ANKRD33B: variants seen among roughly 807,000 people sequenced by gnomAD.
ANKRD33B encodes the protein ankyrin repeat domain-containing protein 33B.
Under a neutral mutation model 21.5 loss-of-function variants are expected in ANKRD33B, and 6 were observed. The observed-to-expected ratio is 0.28, with a 90% CI of 0.15 to 0.55. ANKRD33B has a LOEUF of 0.55. ANKRD33B is among the 20% of genes least tolerant of loss of function. The pLI, the probability that ANKRD33B is intolerant of heterozygous loss-of-function variation, is 0.94. For missense variants in ANKRD33B, 698 were observed against 747.2 expected (o/e 0.93, Z 0.77); for synonymous variants, 347 against 342.4 (o/e 1.01, Z -0.15).
chr5:10,565,729 G>A (rs1735033982), intron 1 of ANKRD33B, among the ~76,000 whole-genome samples: 1 of 152,252 alleles, frequency 6.6e-6, no homozygotes, highest in Non-Finnish European at 1.5e-5. Flanking sequence ...GCACTTCAAG[G>A]GAAAACTGCA....
At chr5:10,591,194 GGTT>G (rs943468017) in intron 1 of ANKRD33B, among the ~76,000 whole-genome samples, 4 of 113,456 alleles carry the variant, frequency 3.5e-5, no homozygotes, top group Non-Finnish European at 5.3e-5. Flanking sequence ...TTTTTTTAGT[GGTT>G]TTTTTTTTTT....
intron 1 of ANKRD33B, among the ~76,000 whole-genome samples, chr5:10,569,146 A>G (rs2943774): frequency 0.85 from 129,261 of 152,204 alleles, 54,878 homozygotes; most frequent in African/African-American, 0.89. Flanking sequence ...CGTCTTTACC[A>G]GGCCTCGGTG....
intron 1 of ANKRD33B, among the ~76,000 whole-genome samples, chr5:10,581,568 A>G (rs1579714828): frequency 6.6e-6 from 1 of 151,838 alleles, no homozygotes. Context: ...TGGCCTCTTT[A>G]CTCCCTGTCA....
In ANKRD33B at chr5:10,618,367, TGGATACCGTG is replaced by T; in HGVS notation, c.403_412del (p.Asp135TrpfsTer3). 4 of 1,537,816 alleles carry T rather than the reference TGGATACCGTG, an allele frequency of 2.6e-6. No individual in the cohort carries two copies. The highest frequency in any genetic ancestry group is 2.6e-6 in the Non-Finnish European group (3 of 1,147,028). On this transcript the variant is annotated frameshift_variant, in exon 2 of 4. Transcript: ENST00000296657. LOFTEE classifies it high-confidence loss of function. Reference sequence around the variant, plus strand: ...ATTGTCGCCTGCTACCACGGCTTTGTGGATACCGTGGTGGCCTTAGCAGAGTGCCCCCACG... The same window carrying T: ...ATTGTCGCCTGCTACCACGGCTTTGTGTGGCCTTAGCAGAGTGCCCCCACG...
In ANKRD33B at chr5:10,617,412, G is replaced by A. The variant is rs372851119; in HGVS notation, c.367-921G>A. On this transcript the variant is annotated intron_variant, in intron 1 of 3. Transcript: ENST00000296657. ...CTGCATCCTCTCAGCTGCTAGGGCC[G>A]AAACTCTGGGGTCATCCTGGACTCT... Among the ~76,000 whole-genome samples the A allele has an allele frequency of 1.0e-3, 154 of 152,262 alleles. 2 individuals carry two copies. Among genetic ancestry groups the A allele is most frequent in the Middle Eastern group, 3.4e-3 (1 of 294 alleles).
chr5:10,597,968 T>A (rs545234397), intron 1 of ANKRD33B, among the ~76,000 whole-genome samples: 3 of 152,228 alleles, frequency 2.0e-5, no homozygotes, highest in African/African-American at 7.2e-5. Flanking sequence ...CCAGGAGTAC[T>A]AGATTTTCTT....
chr5:10,567,688 G>A (rs1735090831), intron 1 of ANKRD33B, among the ~76,000 whole-genome samples: 1 of 152,196 alleles, frequency 6.6e-6, no homozygotes, highest in Non-Finnish European at 1.5e-5. Flanking sequence ...ATTATAAATA[G>A]GATGGTCATT....
intron 3 of ANKRD33B, among the ~76,000 whole-genome samples, chr5:10,646,131 T>C (rs557130921): frequency 3.3e-5 from 5 of 152,268 alleles, no homozygotes; most frequent in South Asian, 2.1e-4. Context: ...TCAAGTGAAA[T>C]AGAGGATTTT....
chr5:10,622,431 A>G (rs1736441028), intron 2 of ANKRD33B, among the ~76,000 whole-genome samples: 1 of 148,852 alleles, frequency 6.7e-6, no homozygotes, highest in African/African-American at 2.4e-5. Flanking sequence ...TTTTCTTCCA[A>G]CATATTCTAC....
intron 1 of ANKRD33B, among the ~76,000 whole-genome samples, chr5:10,567,359 G>C (rs1179731180): frequency 2.0e-5 from 3 of 152,236 alleles, no homozygotes; most frequent in Non-Finnish European, 2.9e-5. Flanking sequence ...CAGACCTACT[G>C]TGCTCCCGCT....
At chr5:10,611,423 T>TC (rs1223711880) in intron 1 of ANKRD33B, among the ~76,000 whole-genome samples, 5 of 152,214 alleles carry the variant, frequency 3.3e-5, no homozygotes, top group African/African-American at 1.2e-4. Flanking sequence ...GTGGGGGTTG[T>TC]CCCTGTGTCT....
At chr5:10,603,642 AC>A (rs1735978849) in intron 1 of ANKRD33B, among the ~76,000 whole-genome samples, 1 of 152,172 alleles carries the variant, frequency 6.6e-6, no homozygotes, top group Admixed American at 6.5e-5. Context: ...ACTTTTTACA[AC>A]TTTTTATAAC....
intron 3 of ANKRD33B, among the ~76,000 whole-genome samples, chr5:10,640,859 C>T (rs974950538): frequency 6.6e-6 from 1 of 152,236 alleles, no homozygotes; most frequent in Non-Finnish European, 1.5e-5. Context: ...TCGATGTCTG[C>T]TGATGCCCCT....
At chr5:10,587,166 C>T (rs958931099) in intron 1 of ANKRD33B, among the ~76,000 whole-genome samples, 4 of 152,168 alleles carry the variant, frequency 2.6e-5, no homozygotes, top group African/African-American at 4.8e-5. Context: ...AGACGCCCGC[C>T]ACCATGCCCG....
At chr5:10,647,159 C>T (rs778584477) in intron 3 of ANKRD33B, among the ~76,000 whole-genome samples, 2 of 151,464 alleles carry the variant, frequency 1.3e-5, no homozygotes, top group African/African-American at 2.4e-5. Context: ...GGCTGGAGTG[C>T]GGTGGTGCGA....
At chr5:10,582,913 A>G (rs867075270) in intron 1 of ANKRD33B, among the ~76,000 whole-genome samples, 4 of 151,498 alleles carry the variant, frequency 2.6e-5, no homozygotes, top group African/African-American at 9.7e-5. Context: ...CATGAGGGAG[A>G]TGCTCAACCT....
chr5:10,604,230 C>T (rs537146948), intron 1 of ANKRD33B, among the ~76,000 whole-genome samples: 93 of 121,710 alleles, frequency 7.6e-4, no homozygotes, highest in Non-Finnish European at 1.3e-3. Flanking sequence ...CTTTCTCTGT[C>T]ACCCGGGCTG....
At chr5:10,641,351 C>A (rs1229749552) in intron 3 of ANKRD33B, among the ~76,000 whole-genome samples, 1 of 151,428 alleles carries the variant, frequency 6.6e-6, no homozygotes, top group African/African-American at 2.4e-5. Context: ...GCCTCAGCCT[C>A]CCGAGTAGCT....
At chr5:10,631,289 G>A (rs1310459990) in intron 2 of ANKRD33B, among the ~76,000 whole-genome samples, 2 of 152,200 alleles carry the variant, frequency 1.3e-5, no homozygotes, top group African/African-American at 4.8e-5. Flanking sequence ...CATTCTGAGG[G>A]AAGTGGGTCT....
Sources: allele counts gnomAD v4.1 joint callset (sites outside exome capture counted in the v4.1 genomes callset), GRCh38; gene constraint gnomAD v4.1.1; transcripts MANE v1.5; gene names NCBI Gene and HGNC (gene_info 2026-07-23, HGNC 2026-07-21).